The following CR1 variants were observed in gnomAD, a reference collection of about 807,000 sequenced individuals.
The protein encoded by CR1 is complement receptor type 1.
A neutral mutation model predicts 187.3 loss-of-function variants in CR1; 116 were observed. The ratio of observed to expected loss-of-function variants is 0.62; its 90% CI spans 0.53 to 0.72. The LOEUF is 0.72. Among genes scored for constraint, CR1 ranks in the 30% least tolerant of loss-of-function variants. CR1 has a pLI of 0.00. For missense variants in CR1, 1,731 were observed against 2,110.7 expected, an observed-to-expected ratio of 0.82 and a Z score of 3.52; for synonymous variants, 576 against 747.1, an observed-to-expected ratio of 0.77 and a Z score of 3.73.
chr1:207,514,968 G>C (rs1373049400), intron 4 of CR1, among the ~76,000 whole-genome samples: 1 of 137,078 alleles, frequency 7.3e-6, no homozygotes, highest in African/African-American at 2.7e-5. Context: ...TAGACTTTTG[G>C]CTGAAGTATA....
intron 35 of CR1, among the ~76,000 whole-genome samples, chr1:207,599,478 G>A (rs528679188): frequency 6.6e-6 from 1 of 152,258 alleles, no homozygotes; most frequent in East Asian, 1.9e-4. Flanking sequence ...TATCTTCTTA[G>A]CTACTAATCC....
intron 27 of CR1, among the ~76,000 whole-genome samples, chr1:207,572,994 C>A (rs1430610149): frequency 2.0e-5 from 3 of 152,162 alleles, no homozygotes; most frequent in African/African-American, 7.2e-5. Flanking sequence ...ACTTTCATGA[C>A]CTCACCTTAA....
chr1:207,604,439 C>A (rs1661689908), intron 35 of CR1, among the ~76,000 whole-genome samples: 2 of 152,088 alleles, frequency 1.3e-5, no homozygotes, highest in South Asian at 4.1e-4. Context: ...TCACCTAGTT[C>A]TTTTATGGTT....
At chr1:207,620,154 G>GGCAAGC in intron 43 of CR1, 89 bp downstream of exon 43, 1 of 1,313,712 alleles carries the variant, frequency 7.6e-7, no homozygotes, top group Non-Finnish European at 1.0e-6. Flanking sequence ...GTAGTGTGAT[G>GGCAAGC]TTTATGGCAT....
intron 33 of CR1, among the ~76,000 whole-genome samples, chr1:207,586,894 G>C (rs1200655181): frequency 6.6e-6 from 1 of 152,176 alleles, no homozygotes; most frequent in Non-Finnish European, 1.5e-5. Context: ...TCTATTCTGA[G>C]GTTTTAGGTA....
chr1:207,605,337 C>CCACACACACACACA (rs61201153), intron 35 of CR1, among the ~76,000 whole-genome samples: 53 of 142,784 alleles, frequency 3.7e-4, no homozygotes, highest in Non-Finnish European at 5.9e-4. Context: ...AATATTCTCA[C>CCACACACACACACA]CACACACACA....
At chr1:207,622,954 T>A (rs778672506) in intron 44 of CR1, 39 bp from the exon 45 acceptor site, 1 of 1,406,048 alleles carries the variant, frequency 7.1e-7, no homozygotes, top group Non-Finnish European at 9.9e-7. Context: ...CTGTAAGTTA[T>A]ATTTTCCATG....
chr1:207,526,053 C>G (rs1386873278), intron 5 of CR1, among the ~76,000 whole-genome samples: 1 of 152,038 alleles, frequency 6.6e-6, no homozygotes, highest in Non-Finnish European at 1.5e-5. Context: ...TAAGAGAGAG[C>G]CAGCGCTGCC....
chr1:207,576,797 G>C (rs1241775896), intron 28 of CR1, among the ~76,000 whole-genome samples: 2 of 152,106 alleles, frequency 1.3e-5, no homozygotes, highest in Admixed American at 6.5e-5. Context: ...TCCAGCCCGG[G>C]CAGCAGAGCC....
rs186164227 is a variant in CR1 at position 207,524,652 on chromosome 1, T to G, written c.886+643T>G. ...ATTCACCCACCTTGGCCTCCCAAAG[T>G]GCTGGGATTATAGGCATGAGCCACC... On this transcript the variant is annotated intron_variant, in intron 5 of 46. Coordinates refer to ENST00000367049, the MANE Select transcript of CR1 (RefSeq NM_000651.6). Among the ~76,000 whole-genome samples, 236 of 152,104 alleles carry G rather than the reference T, an allele frequency of 1.6e-3. 5 individuals are homozygous for G. The highest frequency in any genetic ancestry group is 4.4e-3 in the African/African-American group (184 of 41,392).
chr1:207,524,472 C>T (rs1006542838), intron 5 of CR1, among the ~76,000 whole-genome samples: 1 of 152,032 alleles, frequency 6.6e-6, no homozygotes, highest in African/African-American at 2.4e-5. Flanking sequence ...CAACCTCCGC[C>T]TCTCTGGCTC....
intron 5 of CR1, among the ~76,000 whole-genome samples, chr1:207,524,739 G>C (rs866481919): frequency 6.6e-6 from 1 of 151,754 alleles, no homozygotes; most frequent in Non-Finnish European, 1.5e-5. Flanking sequence ...AACATTCTGA[G>C]ACAGTAACTT....
At chr1:207,614,299 G>A in intron 39 of CR1, 105 bp from the exon 40 acceptor site, 1 of 849,122 alleles carries the variant, frequency 1.2e-6, no homozygotes. Context: ...CTAAATGATA[G>A]TCGAGGAGGA....
At chr1:207,520,371 C>T (rs1314060299) in intron 4 of CR1, among the ~76,000 whole-genome samples, 1 of 152,208 alleles carries the variant, frequency 6.6e-6, no homozygotes, top group Non-Finnish European at 1.5e-5. Context: ...ACCTCTCAGT[C>T]GCAGCACGAC....
chr1:207,580,378 C>T lies in CR1; in HGVS notation c.5075C>T (p.Pro1692Leu). 4 of 1,613,930 alleles carry T rather than the reference C, an allele frequency of 2.5e-6. No individual in the cohort carries two copies. The highest frequency in any genetic ancestry group is 3.4e-6 in the Non-Finnish European group (4 of 1,179,860). The change falls in exon 30 of 47, where the codon CCC becomes CTC. Residue 1692 changes from proline (P) to leucine (L), a missense_variant. Physicochemically the swap from Pro to Leu is moderately conservative, Grantham distance 98 (BLOSUM62 -3). Coordinates refer to ENST00000367049, the MANE Select transcript of CR1 (RefSeq NM_000651.6). ...GGGGCTGCGTCTCTGCACTGCACAC[C>T]CCAGGGAGACTGGAGCCCTGAAGCC... ...LRGAASLHCTPQGDWSPEAPR... is the reference protein window; with the variant it reads ...LRGAASLHCTLQGDWSPEAPR...
intron 29 of CR1, among the ~76,000 whole-genome samples, chr1:207,578,820 G>A (rs1394980630): frequency 6.6e-6 from 1 of 152,196 alleles, no homozygotes; most frequent in East Asian, 1.9e-4. Context: ...AGACCTTAGA[G>A]TTTGTCTATA....
chr1:207,631,340 G>A (rs61617974), intron 46 of CR1, among the ~76,000 whole-genome samples: 8,800 of 152,202 alleles, frequency 0.058, 852 homozygotes, highest in African/African-American at 0.2. Flanking sequence ...TTGTTTTTGT[G>A]AATAAAGTTT....
At chr1:207,601,414 A>C (rs942465605) in intron 35 of CR1, among the ~76,000 whole-genome samples, 1 of 152,224 alleles carries the variant, frequency 6.6e-6, no homozygotes, top group African/African-American at 2.4e-5. Context: ...CCATATTTTC[A>C]ATTCTTTTAG....
chr1:207,514,479 G>A (rs1294843779), intron 4 of CR1, among the ~76,000 whole-genome samples: 7 of 152,036 alleles, frequency 4.6e-5, no homozygotes, highest in African/African-American at 9.7e-5. Context: ...TGGGATTAGC[G>A]TCCTAATAAA....
Sources: allele counts gnomAD v4.1 joint callset (sites outside exome capture counted in the v4.1 genomes callset), GRCh38; gene constraint gnomAD v4.1.1; transcripts MANE v1.5; gene names NCBI Gene and HGNC (gene_info 2026-07-23, HGNC 2026-07-21).